IMMP2L: variants seen among roughly 807,000 people sequenced by gnomAD.
IMMP2L encodes the protein mitochondrial inner membrane protease subunit 2.
In IMMP2L, 18 loss-of-function variants were observed where a neutral mutation model predicts 19.3. The observed-to-expected ratio is 0.93, with a 90% CI of 0.64 to 1.38. IMMP2L has a LOEUF of 1.38. IMMP2L is among the 40% of genes most tolerant of loss of function. The probability of loss-of-function intolerance (pLI) is 0.00; values close to 1 mark genes in which losing one functional copy is unlikely to be tolerated. For missense variants in IMMP2L, 233 were observed against 218.2 expected (o/e 1.07, Z -0.43); for synonymous variants, 76 against 73.0 (o/e 1.04, Z -0.21).
chr7:111,435,896 G>T (rs1837114018), intron 3 of IMMP2L, among the ~76,000 whole-genome samples: 1 of 151,660 alleles, frequency 6.6e-6, no homozygotes, highest in African/African-American at 2.4e-5. Context: ...CATTCATCAA[G>T]GATAGCAGCT....
chr7:111,193,347 T>A (rs138362535), intron 3 of IMMP2L, among the ~76,000 whole-genome samples: 1 of 152,142 alleles, frequency 6.6e-6, no homozygotes, highest in East Asian at 1.9e-4. Flanking sequence ...ACTCTGAGAA[T>A]CAGTGAAGTA....
At chr7:110,975,240 G>A (rs891296991) in intron 3 of IMMP2L, among the ~76,000 whole-genome samples, 1 of 152,002 alleles carries the variant, frequency 6.6e-6, no homozygotes, top group Non-Finnish European at 1.5e-5. Context: ...CAAAATGTAT[G>A]GTAAATGACC....
chr7:111,206,715 T>A (rs1810750360), intron 3 of IMMP2L, among the ~76,000 whole-genome samples: 1 of 152,216 alleles, frequency 6.6e-6, no homozygotes, highest in South Asian at 2.1e-4. Flanking sequence ...ACAGTCACTC[T>A]ATTGTGCTAT....
At chr7:111,498,352 T>C (rs1843796236) in intron 2 of IMMP2L, among the ~76,000 whole-genome samples, 2 of 152,076 alleles carry the variant, frequency 1.3e-5, no homozygotes, top group Admixed American at 1.3e-4. Context: ...TATATAAACA[T>C]ATCTGCATAT....
In IMMP2L at chr7:111,529,206, C is replaced by T. The variant is rs190703209; in HGVS notation, c.-2-7757G>A. 3.9e-5 allele frequency among the ~76,000 whole-genome samples: 6 copies of T among 152,304 alleles called. No homozygotes were observed. In the South Asian group the frequency reaches 6.2e-4, roughly 16 times the overall value. ...TAAATAATCCAGCTATCATCCTCCA[C>T]GGATCTTTCTAGCAGCCCCTGGTAC... On this transcript the variant is annotated intron_variant, in intron 1 of 5. Transcript: ENST00000405709.
intron 3 of IMMP2L, among the ~76,000 whole-genome samples, chr7:111,175,967 A>T (rs1235482460): frequency 6.6e-6 from 1 of 152,000 alleles, no homozygotes; most frequent in Non-Finnish European, 1.5e-5. Flanking sequence ...AAAAGATCTG[A>T]ATAGATATTT....
intron 3 of IMMP2L, among the ~76,000 whole-genome samples, chr7:111,311,840 G>T (rs920524307): frequency 6.6e-6 from 1 of 152,056 alleles, no homozygotes; most frequent in Non-Finnish European, 1.5e-5. Flanking sequence ...ACCCATTATC[G>T]CAATTGTACT....
chr7:110,693,462 T>G (rs1313279342), intron 5 of IMMP2L, among the ~76,000 whole-genome samples: 1 of 152,204 alleles, frequency 6.6e-6, no homozygotes, highest in Non-Finnish European at 1.5e-5. Context: ...CAATATAGAC[T>G]TATTCATTTG....
At chr7:111,428,716 T>C (rs1585061078) in intron 3 of IMMP2L, among the ~76,000 whole-genome samples, 1 of 151,836 alleles carries the variant, frequency 6.6e-6, no homozygotes, top group East Asian at 1.9e-4. Context: ...CAGTCTAAGA[T>C]AAGCAAAGCT....
chr7:111,039,937 G>A (rs1354154218), intron 3 of IMMP2L, among the ~76,000 whole-genome samples: 3 of 152,108 alleles, frequency 2.0e-5, no homozygotes, highest in South Asian at 2.1e-4. Flanking sequence ...AGGCCGAGGC[G>A]GGTGGATCAC....
intron 5 of IMMP2L, among the ~76,000 whole-genome samples, chr7:110,808,220 TTC>T (rs1438389677): frequency 6.6e-6 from 1 of 152,012 alleles, no homozygotes; most frequent in African/African-American, 2.4e-5. Context: ...CTTAAATGCA[TTC>T]TGTTAAGGAT....
intron 3 of IMMP2L, among the ~76,000 whole-genome samples, chr7:111,422,589 G>T (rs991555417): frequency 1.3e-5 from 2 of 151,868 alleles, no homozygotes; most frequent in African/African-American, 4.9e-5. Flanking sequence ...CTTTGCTGAA[G>T]TTGCTTATCA....
chr7:110,771,190 G>T lies in IMMP2L; in HGVS notation c.409-107469C>A, dbSNP rs370000354. 3.9e-5 allele frequency among the ~76,000 whole-genome samples: 6 copies of T among 152,228 alleles called. No individual in the cohort carries two copies. The South Asian group carries it at 8.3e-4, about 21-fold the overall frequency. On this transcript the variant is annotated intron_variant, in intron 5 of 5. Coordinates refer to ENST00000405709, the MANE Select transcript of IMMP2L (RefSeq NM_032549.4). ...CAGAATTATTAGAAGTTGAGGGTGA[G>T]ACTAGGTCAGGAAAACCACTATGAG...
At chr7:111,032,281 A>G (rs934955555) in intron 3 of IMMP2L, among the ~76,000 whole-genome samples, 1 of 152,140 alleles carries the variant, frequency 6.6e-6, no homozygotes, top group African/African-American at 2.4e-5. Context: ...AAGCAGATCA[A>G]TAGAATAGAA....
chr7:111,123,325 G>T lies in IMMP2L; in HGVS notation c.240-159760C>A, dbSNP rs773818533. 18 of 1,613,630 alleles carry T rather than the reference G, an allele frequency of 1.1e-5. No individual in the cohort carries two copies. Among genetic ancestry groups the T allele is most frequent in the Non-Finnish European group, 1.4e-5 (17 of 1,179,920 alleles). ...GCAGATGATCAACAGTAAGTGGTTTGATGCTCTTCCAAATCTAGAGATTCT... is the reference window on the plus strand; with the variant it reads ...GCAGATGATCAACAGTAAGTGGTTTTATGCTCTTCCAAATCTAGAGATTCT... On this transcript the variant is annotated intron_variant, in intron 3 of 5. Transcript: ENST00000405709. The surrounding 1 kb of genome is among the most constrained non-coding windows in gnomAD (Gnocchi z 6.4).
intron 3 of IMMP2L, among the ~76,000 whole-genome samples, chr7:111,371,234 G>A (rs974861781): frequency 1.3e-5 from 2 of 151,996 alleles, no homozygotes; most frequent in South Asian, 2.1e-4. Flanking sequence ...TTCTCTGTAC[G>A]ACTTTTCCCA....
chr7:110,821,764 A>G (rs1458897069), intron 5 of IMMP2L, among the ~76,000 whole-genome samples: 1 of 150,148 alleles, frequency 6.7e-6, no homozygotes, highest in East Asian at 2.0e-4. Flanking sequence ...TTACAAAAAG[A>G]AAAAAAAAAT....
At chr7:111,548,096 C>T (rs7806752) in intron 1 of IMMP2L, among the ~76,000 whole-genome samples, 120,818 of 151,940 alleles carry the variant, frequency 0.8, 49,920 homozygotes, top group East Asian at 0.97. Context: ...AATTTCCCCA[C>T]GTTTAGCCTG....
intron 1 of IMMP2L, among the ~76,000 whole-genome samples, chr7:111,543,266 TTATC>T (rs1344952523): frequency 1.3e-5 from 2 of 152,154 alleles, no homozygotes; most frequent in Admixed American, 1.3e-4. Flanking sequence ...CAGTAGTTCA[TTATC>T]TATCTATTAA....
Sources: gnomAD v4.1 joint callset for allele counts (sites outside exome capture counted in the v4.1 genomes callset) on GRCh38, gnomAD v4.1.1 for gene constraint, Gnocchi (gnomAD v3.1) non-coding constraint, MANE v1.5 for transcripts, NCBI Gene and HGNC (gene_info 2026-07-23, HGNC 2026-07-21) for gene names.